PCDH9: variants seen among roughly 807,000 people sequenced by gnomAD.
PCDH9 encodes protocadherin-9.
PCDH9 carries 24 observed loss-of-function variants against 70.6 expected under a neutral mutation model. The observed-to-expected ratio is 0.34, with a 90% CI of 0.25 to 0.48. PCDH9 has a LOEUF of 0.48. PCDH9 is among the 20% of genes least tolerant of loss of function. The pLI, the probability that PCDH9 is intolerant of heterozygous loss-of-function variation, is 0.99. For synonymous variants in PCDH9, 562 were observed against 558.5 expected, an observed-to-expected ratio of 1.01 and a Z score of -0.09; for missense variants, 1,281 against 1,503.6, an observed-to-expected ratio of 0.85 and a Z score of 2.45.
intron 4 of PCDH9, among the ~76,000 whole-genome samples, chr13:66,320,740 G>T (rs1296900662): frequency 1.3e-5 from 2 of 151,930 alleles, no homozygotes; most frequent in Non-Finnish European, 2.9e-5. Context: ...CTATTTTAGG[G>T]CTACCTTGTT....
chr13:66,687,004 A>G (rs74093129), intron 3 of PCDH9, among the ~76,000 whole-genome samples: 53 of 152,302 alleles, frequency 3.5e-4, no homozygotes, highest in African/African-American at 1.3e-3. Context: ...CCCAAAAGAC[A>G]TTTCGATTTA....
At chr13:67,029,121 G>T (rs2084853699) in intron 2 of PCDH9, among the ~76,000 whole-genome samples, 5 of 152,080 alleles carry the variant, frequency 3.3e-5, no homozygotes, top group Admixed American at 3.3e-4. Flanking sequence ...TCATAAGCAG[G>T]CCAAGAAAGA....
intron 2 of PCDH9, among the ~76,000 whole-genome samples, chr13:67,057,426 C>T (rs911420535): frequency 6.6e-6 from 1 of 151,756 alleles, no homozygotes; most frequent in Non-Finnish European, 1.5e-5. Context: ...AAGGATAACG[C>T]GCCTCGGATT....
At chr13:67,085,908 T>G (rs1298070823) in intron 2 of PCDH9, among the ~76,000 whole-genome samples, 4 of 152,198 alleles carry the variant, frequency 2.6e-5, no homozygotes, top group Admixed American at 6.5e-5. Context: ...TAATGTTCGG[T>G]TTCAGAATCC....
chr13:66,323,311 T>C (rs896628652), intron 4 of PCDH9: 2 of 152,042 alleles, frequency 1.3e-5, no homozygotes, highest in Non-Finnish European at 2.9e-5. Flanking sequence ...AAGGAACTAT[T>C]ATCACATTTT....
chr13:66,561,039 G>C (rs1961992785), intron 4 of PCDH9, among the ~76,000 whole-genome samples: 1 of 152,228 alleles, frequency 6.6e-6, no homozygotes, highest in Admixed American at 6.5e-5. Context: ...GGAGCCGGCT[G>C]CCTCAGCTTG....
chr13:66,362,401 G>A (rs565833112), intron 4 of PCDH9, among the ~76,000 whole-genome samples: 1 of 152,186 alleles, frequency 6.6e-6, no homozygotes, highest in East Asian at 1.9e-4. Flanking sequence ...CCATCAGGGG[G>A]CTATTCTCAA....
At chr13:66,815,605 A>C (rs1165712285) in intron 3 of PCDH9, among the ~76,000 whole-genome samples, 1 of 152,088 alleles carries the variant, frequency 6.6e-6, no homozygotes, top group Non-Finnish European at 1.5e-5. Flanking sequence ...AGAGAACAAG[A>C]CCGTGTCCTT....
intron 4 of PCDH9, among the ~76,000 whole-genome samples, chr13:66,367,966 T>C (rs1956581249): frequency 6.6e-6 from 1 of 152,142 alleles, no homozygotes; most frequent in South Asian, 2.1e-4. Context: ...CTAGAAATTT[T>C]TCATCTCTTT....
intron 2 of PCDH9, chr13:67,214,457 T>C (rs142150135): frequency 2.0e-5 from 3 of 152,278 alleles, no homozygotes; most frequent in African/African-American, 7.2e-5. Flanking sequence ...GATTTTGTAA[T>C]AGGAGTGATG....
chr13:66,963,237 G>C (rs1449287369), intron 2 of PCDH9, among the ~76,000 whole-genome samples: 1 of 152,180 alleles, frequency 6.6e-6, no homozygotes, highest in Non-Finnish European at 1.5e-5. Flanking sequence ...GCCCCTAATA[G>C]GCCAGAGACT....
At position 66,770,049 on chromosome 13, in the gene PCDH9, T is replaced by C. The variant is rs149181864; in HGVS notation, c.3138+133455A>G. Among the ~76,000 whole-genome samples, 20 of 152,236 alleles carry C rather than the reference T, an allele frequency of 1.3e-4. No homozygotes were observed. The East Asian group carries it at 3.9e-3, about 29-fold the overall frequency. ...TTGAGGGAGGTATGGAAGTGGAAAA[T>C]TGAGAGTCACTTTATTTACACTGGG... On this transcript the variant is annotated intron_variant, in intron 3 of 4. Coordinates refer to ENST00000377865, the MANE Select transcript of PCDH9 (RefSeq NM_203487.3).
intron 3 of PCDH9, among the ~76,000 whole-genome samples, chr13:66,684,772 G>A (rs1294334232): frequency 6.6e-6 from 1 of 152,170 alleles, no homozygotes; most frequent in East Asian, 1.9e-4. Context: ...ACAGGATAGT[G>A]AGGTGCAGCT....
chr13:66,960,448 T>G (rs1250775052), intron 2 of PCDH9, among the ~76,000 whole-genome samples: 1 of 152,140 alleles, frequency 6.6e-6, no homozygotes, highest in Non-Finnish European at 1.5e-5. Context: ...AAAAAATTCA[T>G]GATGGAAACT....
At chr13:67,106,767 C>T (rs377525621) in intron 2 of PCDH9, among the ~76,000 whole-genome samples, 2 of 152,238 alleles carry the variant, frequency 1.3e-5, no homozygotes, top group East Asian at 3.9e-4. Flanking sequence ...TCAGAAGTGC[C>T]CACTCCCACT....
At chr13:66,495,850 C>T (rs909981680) in intron 4 of PCDH9, among the ~76,000 whole-genome samples, 3 of 152,098 alleles carry the variant, frequency 2.0e-5, no homozygotes, top group Non-Finnish European at 4.4e-5. Context: ...TGTTTGTGCC[C>T]AAATCGTGAC....
chr13:66,365,571 G>T (rs1348187041), intron 4 of PCDH9, among the ~76,000 whole-genome samples: 1 of 152,114 alleles, frequency 6.6e-6, no homozygotes, highest in Non-Finnish European at 1.5e-5. Context: ...TGATAATCAG[G>T]TATATTTATT....
At chr13:66,881,086 T>G (rs944266432) in intron 3 of PCDH9, among the ~76,000 whole-genome samples, 1 of 152,216 alleles carries the variant, frequency 6.6e-6, no homozygotes, top group African/African-American at 2.4e-5. Flanking sequence ...CAATAATAGG[T>G]TGTCAGCTAG....
intron 4 of PCDH9, among the ~76,000 whole-genome samples, chr13:66,611,162 G>A (rs574237410): frequency 6.6e-6 from 1 of 152,088 alleles, no homozygotes; most frequent in South Asian, 2.1e-4. Context: ...GGAAATTAAT[G>A]CTTTAATTCT....
Sources: gnomAD v4.1 joint callset for allele counts (sites outside exome capture counted in the v4.1 genomes callset) on GRCh38, gnomAD v4.1.1 for gene constraint, MANE v1.5 for transcripts, NCBI Gene and HGNC (gene_info 2026-07-23, HGNC 2026-07-21) for gene names.